The following WDFY1 variants were observed in gnomAD, a reference collection of about 807,000 sequenced individuals.
WDFY1 encodes WD repeat and FYVE domain containing 1, also known as WD repeat and FYVE domain-containing protein 1.
Under a neutral mutation model 56.4 loss-of-function variants are expected in WDFY1, and 32 were observed. The observed-to-expected ratio is 0.57, with a 90% CI of 0.43 to 0.76. The LOEUF is 0.76. WDFY1 is among the 30% of genes least tolerant of loss of function. WDFY1 has a pLI of 0.00. For missense variants in WDFY1, 480 were observed against 545.7 expected, an observed-to-expected ratio of 0.88 and a Z score of 1.20; for synonymous variants, 192 against 197.3, an observed-to-expected ratio of 0.97 and a Z score of 0.23.
intron 1 of WDFY1, among the ~76,000 whole-genome samples, chr2:223,936,785 T>C (rs1574783314): frequency 6.6e-6 from 1 of 152,202 alleles, no homozygotes; most frequent in Non-Finnish European, 1.5e-5. Flanking sequence ...GTTTGGAATT[T>C]TGGAACATTA....
chr2:223,918,825 A>G (rs1437549318), intron 1 of WDFY1, among the ~76,000 whole-genome samples: 1 of 152,146 alleles, frequency 6.6e-6, no homozygotes, highest in Non-Finnish European at 1.5e-5. Context: ...CACGCACACC[A>G]GGAGCACACA....
intron 1 of WDFY1, among the ~76,000 whole-genome samples, chr2:223,939,223 C>G (rs1212443240): frequency 6.6e-6 from 1 of 152,094 alleles, no homozygotes; most frequent in East Asian, 1.9e-4. Context: ...GGGGTGGGGT[C>G]CAGCAACCCG....
chr2:223,880,807 A>T (rs1693057633), intron 10 of WDFY1, among the ~76,000 whole-genome samples: 1 of 152,034 alleles, frequency 6.6e-6, no homozygotes, highest in Non-Finnish European at 1.5e-5. Context: ...TCCTAGATAT[A>T]AAAACAAGAA....
intron 1 of WDFY1, among the ~76,000 whole-genome samples, chr2:223,921,341 C>A (rs750189825): frequency 6.6e-5 from 10 of 152,098 alleles, no homozygotes; most frequent in Non-Finnish European, 1.3e-4. Flanking sequence ...GATCCACCAA[C>A]CAATTGATAG....
chr2:223,918,556 G>A (rs890204585), intron 1 of WDFY1, among the ~76,000 whole-genome samples: 4 of 152,058 alleles, frequency 2.6e-5, no homozygotes, highest in East Asian at 3.9e-4. Context: ...GCATGAACCC[G>A]GGAGGCAGAG....
intron 9 of WDFY1, among the ~76,000 whole-genome samples, chr2:223,882,674 G>A (rs952282127): frequency 3.9e-5 from 6 of 151,936 alleles, no homozygotes; most frequent in African/African-American, 1.2e-4. Flanking sequence ...CCTAATCACT[G>A]TAGATTTAGG....
At chr2:223,908,540 T>C (rs1406037678) in intron 3 of WDFY1, among the ~76,000 whole-genome samples, 1 of 152,132 alleles carries the variant, frequency 6.6e-6, no homozygotes, top group Non-Finnish European at 1.5e-5. Context: ...ACTTTGCCCA[T>C]TCTTCCTGTC....
intron 3 of WDFY1, among the ~76,000 whole-genome samples, chr2:223,906,982 T>TATTATA (rs1442747968): frequency 2.7e-5 from 4 of 149,496 alleles, no homozygotes; most frequent in African/African-American, 1.0e-4. Context: ...TTATTATTAT[T>TATTATA]ATATTATTTT....
chr2:223,935,125 C>G (rs1341180501), intron 1 of WDFY1, among the ~76,000 whole-genome samples: 2 of 152,094 alleles, frequency 1.3e-5, no homozygotes, highest in African/African-American at 2.4e-5. Flanking sequence ...TAAACCATAA[C>G]CTAGAAACCA....
chr2:223,944,996 G>A (rs55865639), intron 1 of WDFY1, 152 bp downstream of exon 1: 1 of 912,166 alleles, frequency 1.1e-6, no homozygotes, highest in Non-Finnish European at 1.5e-6. Flanking sequence ...AGGGAACCGG[G>A]AACCCGGCGG....
At chr2:223,916,894 A>C (rs1199282001) in intron 2 of WDFY1, among the ~76,000 whole-genome samples, 1 of 150,938 alleles carries the variant, frequency 6.6e-6, no homozygotes, top group Non-Finnish European at 1.5e-5. Flanking sequence ...AGCTCACCAC[A>C]ACCTCTGCTT....
Position 223,906,001 on chromosome 2 carries a change from C to G in WDFY1, c.280G>C (p.Glu94Gln). 1 of 1,566,762 alleles carries G rather than the reference C, an allele frequency of 6.4e-7. No homozygotes were observed. Among genetic ancestry groups the G allele is most frequent in the Non-Finnish European group, 8.6e-7 (1 of 1,159,346 alleles). ...FVGQDNGAVM[E>Q]FHVSEDFNKM... ...TTAAAATCTTCAGAAACGTGAAATT[C>G]CTAAAAGCAAATGCACAAAATAAAA... Residue 94 changes from glutamate (E) to glutamine (Q), a missense_variant and splice_region_variant, in exon 4 of 12, where the codon GAA becomes CAA. Physicochemically the swap from Glu to Gln is conservative, Grantham distance 29 (BLOSUM62 2). Coordinates refer to ENST00000233055, the MANE Select transcript of WDFY1 (RefSeq NM_020830.5).
At chr2:223,908,212 A>T (rs1490896439) in intron 3 of WDFY1, among the ~76,000 whole-genome samples, 2 of 152,162 alleles carry the variant, frequency 1.3e-5, no homozygotes, top group Non-Finnish European at 2.9e-5. Context: ...TGAAACTCTC[A>T]TAACTATACT....
At chr2:223,942,754 C>G in intron 1 of WDFY1, among the ~76,000 whole-genome samples, 1 of 136,892 alleles carries the variant, frequency 7.3e-6, no homozygotes, top group South Asian at 2.6e-4. Flanking sequence ...CCAGGATGGT[C>G]TCGATCTCCT....
intron 1 of WDFY1, among the ~76,000 whole-genome samples, chr2:223,941,574 C>A (rs1689306576): frequency 6.6e-6 from 1 of 152,158 alleles, no homozygotes; most frequent in Non-Finnish European, 1.5e-5. Context: ...GTCTTCCCAG[C>A]ACTGGATGCT....
intron 8 of WDFY1, among the ~76,000 whole-genome samples, chr2:223,891,591 G>A (rs1366289776): frequency 6.6e-6 from 1 of 151,936 alleles, no homozygotes; most frequent in Non-Finnish European, 1.5e-5. Context: ...CTTGATTGAT[G>A]GGACTATTTT....
chr2:223,944,131 A>G (rs1463814461), intron 1 of WDFY1, among the ~76,000 whole-genome samples: 1 of 152,260 alleles, frequency 6.6e-6, no homozygotes, highest in African/African-American at 2.4e-5. Context: ...AGGTGATTCT[A>G]GCAGCCGTGG....
At chr2:223,905,843 TA>T (rs1559168366) in intron 4 of WDFY1, 103 bp downstream of exon 4, 2 of 865,794 alleles carry the variant, frequency 2.3e-6, no homozygotes, top group Non-Finnish European at 3.2e-6. Context: ...GTAACAAAAC[TA>T]AAAAGTTAAT....
intron 1 of WDFY1, among the ~76,000 whole-genome samples, chr2:223,942,527 C>CTTTTTTTTTTTTT (rs57223015): frequency 0.025 from 1,867 of 73,914 alleles, 223 homozygotes; most frequent in Non-Finnish European, 0.029. Context: ...CAAAGGCTAA[C>CTTTTTTTTTTTTT]TTTTTTTTTT....
Sources: allele counts gnomAD v4.1 joint callset (sites outside exome capture counted in the v4.1 genomes callset), GRCh38; gene constraint gnomAD v4.1.1; transcripts MANE v1.5; gene names NCBI Gene and HGNC (gene_info 2026-07-23, HGNC 2026-07-21).